The following HDAC1 variants were observed in gnomAD, a reference collection of about 807,000 sequenced individuals.
HDAC1 encodes protein deacetylase HDAC1.
In HDAC1, 18 loss-of-function variants were observed where a neutral mutation model predicts 65.5. The ratio of observed to expected loss-of-function variants is 0.27; its 90% CI spans 0.19 to 0.41. The LOEUF (loss-of-function observed/expected upper bound fraction) is 0.41. Ranked by LOEUF, HDAC1 falls within the 10% of genes least tolerant of loss-of-function variation. The pLI, the probability that HDAC1 is intolerant of heterozygous loss-of-function variation, is 1.00. For synonymous variants in HDAC1, 211 were observed against 227.9 expected, an observed-to-expected ratio of 0.93 and a Z score of 0.67; for missense variants, 373 against 625.2, an observed-to-expected ratio of 0.60 and a Z score of 4.30.
chr1:32,297,063 G>A (rs906018303), intron 1 of HDAC1, among the ~76,000 whole-genome samples: 1 of 152,148 alleles, frequency 6.6e-6, no homozygotes, highest in Admixed American at 6.6e-5. Context: ...AGTTGGTGGA[G>A]CAGGAATCTT....
In HDAC1 at chr1:32,331,824, AGCCCTAT is replaced by A; in HGVS notation, c.1219+22_1219+28del. The A allele has an allele frequency of 6.3e-7, 1 of 1,585,868 alleles. No homozygotes were observed. The highest frequency in any genetic ancestry group is 8.6e-7 in the Non-Finnish European group (1 of 1,164,690). On this transcript the variant is annotated intron_variant, in intron 11 of 13. Coordinates refer to ENST00000373548, the MANE Select transcript of HDAC1 (RefSeq NM_004964.3). The surrounding 1 kb of genome is among the most constrained non-coding windows in gnomAD (Gnocchi z 4.2). ...CATCTCGAGTGAGACCCAGACCTAG[AGCCCTAT>A]GCCTTCCATTCAATAGGCAGCTCAC...
In HDAC1 at chr1:32,333,412, CTGT is replaced by C. The variant is rs1399110620; in HGVS notation, c.*370_*372del. Reference sequence around the variant, plus strand: ...GGGTGGCTGGGTCTTCAAGGATCTCCTGTTTTTTTCAGGCTCCTAAAGTAACAT... The same window carrying C: ...GGGTGGCTGGGTCTTCAAGGATCTCCTTTTTTCAGGCTCCTAAAGTAACAT... On this transcript the variant is annotated 3_prime_UTR_variant, in exon 14 of 14. Coordinates refer to ENST00000373548, the MANE Select transcript of HDAC1 (RefSeq NM_004964.3). The C allele has an allele frequency of 6.1e-6, 1 of 162,894 alleles. No individual in the cohort carries two copies. The highest frequency in any genetic ancestry group is 6.2e-5 in the Admixed American group (1 of 16,204). 10.1% of individuals were successfully genotyped at this position (162,894 alleles called of 1,614,324 possible).
At chr1:32,292,659 G>T (rs1640713519) in intron 1 of HDAC1, among the ~76,000 whole-genome samples, 1 of 152,074 alleles carries the variant, frequency 6.6e-6, no homozygotes. Flanking sequence ...CCCTCCCCCA[G>T]CCTCTGAGCG....
At chr1:32,315,544 G>C (rs917465699) in intron 2 of HDAC1, among the ~76,000 whole-genome samples, 9 of 151,144 alleles carry the variant, frequency 6.0e-5, no homozygotes, top group Admixed American at 5.9e-4. Context: ...GTAGAGACCA[G>C]ATTTCATCAT....
intron 2 of HDAC1, among the ~76,000 whole-genome samples, chr1:32,303,751 A>G (rs867601252): frequency 2.1e-4 from 32 of 152,160 alleles, no homozygotes; most frequent in African/African-American, 2.4e-4. Flanking sequence ...AGTCCCAGCT[A>G]TCTGGGAGGC....
chr1:32,332,594 T>G, intron 12 of HDAC1, 107 bp from the exon 13 acceptor site: 1 of 808,286 alleles, frequency 1.2e-6, no homozygotes, highest in Admixed American at 2.4e-5. Context: ...TCTCTCTTTA[T>G]GTCCAGTGAG....
intron 4 of HDAC1, among the ~76,000 whole-genome samples, chr1:32,325,344 A>G (rs1196673508): frequency 1.3e-5 from 2 of 152,176 alleles, no homozygotes; most frequent in African/African-American, 4.8e-5. Flanking sequence ...CCCCACCAAT[A>G]TAATCATTGT....
At position 32,313,082 on chromosome 1, in the gene HDAC1, TTTTATTTA is replaced by T. The variant is rs35808493; in HGVS notation, c.163-3559_163-3552del. ...AGAGATTGCCCAATAACTTATTTTA[TTTTATTTA>T]TTTATTTATTTATTTATTTATTTGA... On this transcript the variant is annotated intron_variant, in intron 2 of 13. Coordinates refer to ENST00000373548, the MANE Select transcript of HDAC1 (RefSeq NM_004964.3). 1.5e-3 allele frequency among the ~76,000 whole-genome samples: 218 copies of T among 148,510 alleles called. 1 individual carries two copies. The highest frequency in any genetic ancestry group is 3.8e-3 in the South Asian group (18 of 4,722).
intron 4 of HDAC1, among the ~76,000 whole-genome samples, chr1:32,325,859 A>C (rs1641209789): frequency 2.0e-5 from 3 of 152,056 alleles, no homozygotes; most frequent in African/African-American, 7.2e-5. Flanking sequence ...AACCCCATCT[A>C]TACTAAAAAA....
At chr1:32,297,312 C>T (rs535453502) in intron 1 of HDAC1, among the ~76,000 whole-genome samples, 22 of 152,060 alleles carry the variant, frequency 1.4e-4, no homozygotes, top group Non-Finnish European at 2.2e-4. Context: ...GAGGCCAAGG[C>T]GGAAGGATCA....
rs1014240327 is a variant in HDAC1 at position 32,329,341 on chromosome 1, G to T, written c.729+181G>T. The stretch of plus-strand genomic sequence containing the variant: ...GGGGAACAAACACCCATATTTATTG[G>T]TTCCTTCTATGGGTCAGGTCTTCTG... On this transcript the variant is annotated intron_variant, in intron 7 of 13. Coordinates refer to ENST00000373548, the MANE Select transcript of HDAC1 (RefSeq NM_004964.3). This position sits in a 1 kb window ranked among gnomAD's most constrained non-coding sequence, Gnocchi z 4.1. The T allele has an allele frequency of 9.8e-6, 6 of 612,824 alleles. No individual in the cohort carries two copies. In the African/African-American group the frequency reaches 1.1e-4, roughly 11 times the overall value. 38.0% of individuals were successfully genotyped at this position (612,824 alleles called of 1,614,324 possible). A position where few individuals can be genotyped will look rare whatever the true frequency, so the allele number is the denominator to read the frequency against.
chr1:32,318,326 G>T (rs1199694808), intron 3 of HDAC1, among the ~76,000 whole-genome samples: 1 of 152,216 alleles, frequency 6.6e-6, no homozygotes, highest in African/African-American at 2.4e-5. Flanking sequence ...GGAGCCCAAG[G>T]TGGGAGGATT....
intron 1 of HDAC1, among the ~76,000 whole-genome samples, chr1:32,296,616 T>C (rs1248624776): frequency 6.6e-6 from 1 of 152,122 alleles, no homozygotes; most frequent in Admixed American, 6.6e-5. Context: ...TGAGCTCAAG[T>C]CATCTACCCG....
intron 1 of HDAC1, chr1:32,292,547 G>T: frequency 1.5e-5 from 8 of 543,920 alleles, no homozygotes; most frequent in Non-Finnish European, 1.9e-5. Flanking sequence ...GGAGACGGCT[G>T]CAAGGATACA....
chr1:32,318,426 G>T (rs545888574), intron 3 of HDAC1, among the ~76,000 whole-genome samples: 2 of 152,204 alleles, frequency 1.3e-5, no homozygotes, highest in Non-Finnish European at 2.9e-5. Flanking sequence ...AGCTGGGCAT[G>T]GCGGTGCACA....
rs543703507 is a variant in HDAC1, at chr1:32,333,423, A to G, written c.*379A>G. 1.2e-5 allele frequency: 2 copies of G among 161,284 alleles called. No homozygotes were observed. The highest frequency in any genetic ancestry group is 3.6e-4 in the South Asian group (2 of 5,620). 10.0% of individuals were successfully genotyped at this position (161,284 alleles called of 1,614,324 possible). On this transcript the variant is annotated 3_prime_UTR_variant, in exon 14 of 14. Transcript: ENST00000373548. ...TCTTCAAGGATCTCCTGTTTTTTTC[A>G]GGCTCCTAAAGTAACATCAGCCATT...
chr1:32,300,396 A>T lies in HDAC1; in HGVS notation c.50-2225A>T, dbSNP rs181053473. Among the ~76,000 whole-genome samples the T allele has an allele frequency of 7.9e-5, 12 of 152,102 alleles. 1 individual carries two copies. Among genetic ancestry groups the T allele is most frequent in the African/African-American group, 2.7e-4 (11 of 41,488 alleles). ...ACATAGTGAAACCCCACCTCTACTA[A>T]ATATGAAAATTAGCTGGATTTGGTG... On this transcript the variant is annotated intron_variant, in intron 1 of 13. Transcript: ENST00000373548.
At chr1:32,296,136 C>T (rs960719818) in intron 1 of HDAC1, among the ~76,000 whole-genome samples, 3 of 152,114 alleles carry the variant, frequency 2.0e-5, no homozygotes, top group Non-Finnish European at 2.9e-5. Flanking sequence ...ACCTCTGTAT[C>T]CCCAGCACCA....
In HDAC1 at chr1:32,333,140, A is replaced by G; in HGVS notation, c.*96A>G. On this transcript the variant is annotated 3_prime_UTR_variant, in exon 14 of 14. Transcript: ENST00000373548. ...TTTCTATTTCTCTGTGTATTTATAT[A>G]AAAATTTATTAAATATAAATATCCC... 2.9e-6 allele frequency: 3 copies of G among 1,017,860 alleles called. No homozygotes were observed. Among genetic ancestry groups the G allele is most frequent in the South Asian group, 1.7e-5 (1 of 59,946 alleles). The allele number at this position is 1,017,860 out of a possible 1,614,324, so 63.1% of individuals were successfully genotyped here. A position where few individuals can be genotyped will look rare whatever the true frequency, so the allele number is the denominator to read the frequency against.
Sources: allele counts gnomAD v4.1 joint callset (sites outside exome capture counted in the v4.1 genomes callset), GRCh38; gene constraint gnomAD v4.1.1; non-coding constraint Gnocchi (gnomAD v3.1); transcripts MANE v1.5; gene names NCBI Gene and HGNC (gene_info 2026-07-23, HGNC 2026-07-21).